Variants in EFCC1 observed in about 807,000 individuals in gnomAD.
The protein encoded by EFCC1 is EF-hand and coiled-coil domain-containing protein 1.
A neutral mutation model predicts 52.1 loss-of-function variants in EFCC1; 50 were observed. The observed-to-expected ratio is 0.96, with a 90% CI of 0.76 to 1.21. The LOEUF (loss-of-function observed/expected upper bound fraction) is 1.21. Among genes scored for constraint, EFCC1 ranks in the 50% most tolerant of loss-of-function variants. EFCC1 has a pLI of 0.00. For synonymous variants in EFCC1, 399 were observed against 396.5 expected (o/e 1.01, Z -0.08); for missense variants, 837 against 867.3 (o/e 0.97, Z 0.44).
Position 129,003,951 on chromosome 3 carries a change from C to T in EFCC1, c.854C>T (p.Ala285Val). Reference sequence around the variant, plus strand: ...GGCCAGGCCGAGGTGCGGCGGCGCGCGGAGGAGGCCCGGCAGGTGGTGCTG... The same window carrying T: ...GGCCAGGCCGAGGTGCGGCGGCGCGTGGAGGAGGCCCGGCAGGTGGTGCTG... Reference protein sequence around the residue: ...RRGQAEVRRRAEEARQVVLRS... With the variant: ...RRGQAEVRRRVEEARQVVLRS... The change falls in exon 2 of 8, where the codon GCG (alanine) becomes GTG (valine). Residue 285 changes from alanine to valine, a missense_variant. By Grantham distance (64) the Ala-to-Val change is moderately conservative (BLOSUM62 0). Transcript: ENST00000683648. The T allele has an allele frequency of 7.1e-7, 1 of 1,418,118 alleles. No individual in the cohort carries two copies. The highest frequency in any genetic ancestry group is 9.2e-7 in the Non-Finnish European group (1 of 1,090,680). 87.8% of individuals were successfully genotyped at this position (1,418,118 alleles called of 1,614,324 possible). A position where few individuals can be genotyped will look rare whatever the true frequency, so the allele number is the denominator to read the frequency against.
At chr3:129,021,757 A>G (rs1048843007) in intron 2 of EFCC1, among the ~76,000 whole-genome samples, 3 of 152,208 alleles carry the variant, frequency 2.0e-5, no homozygotes, top group Non-Finnish European at 4.4e-5. Context: ...ATTCAAATGT[A>G]TCCATCACAG....
In EFCC1 at chr3:129,014,850, G is replaced by A. The variant is rs1945501556; in HGVS notation, c.980+10773G>A. 6.6e-6 allele frequency among the ~76,000 whole-genome samples: 1 copy of A among 152,116 alleles called. No individual in the cohort carries two copies. Among genetic ancestry groups the A allele is most frequent in the South Asian group, 2.1e-4 (1 of 4,828 alleles). Reference sequence around the variant, plus strand: ...AGCCAGCCTGGATGCCGAGGGGCCAGTGAGGAGGGGCCAGTGAGGAGGAGC... The same window carrying A: ...AGCCAGCCTGGATGCCGAGGGGCCAATGAGGAGGGGCCAGTGAGGAGGAGC... On this transcript the variant is annotated intron_variant, in intron 2 of 7. Coordinates refer to ENST00000683648, the MANE Select transcript of EFCC1 (RefSeq NM_001377500.1). This position sits in a 1 kb window ranked among gnomAD's most constrained non-coding sequence, Gnocchi z 4.3.
Position 129,001,380 on chromosome 3 carries a change from C to A in EFCC1, c.-249C>A, listed in dbSNP as rs115284404. Among the ~76,000 whole-genome samples the A allele has an allele frequency of 9.4e-3, 1,432 of 152,350 alleles. 10 individuals carry two copies. The highest frequency in any genetic ancestry group is 0.033 in the African/African-American group (1,363 of 41,584). On this transcript the variant is annotated 5_prime_UTR_variant, in exon 1 of 8. Transcript: ENST00000683648. ...GGAGAAGCCAGACCCAGACGCCGAC[C>A]GGGCACTGGTGGCGCTGCCGGGGTC...
chr3:129,009,849 T>C (rs918926880), intron 2 of EFCC1, among the ~76,000 whole-genome samples: 2 of 152,200 alleles, frequency 1.3e-5, no homozygotes, highest in African/African-American at 4.8e-5. Context: ...CTGGGTGCTT[T>C]GGGAGTGGTT....
intron 2 of EFCC1, among the ~76,000 whole-genome samples, chr3:129,017,122 C>T (rs754785510): frequency 9.2e-5 from 14 of 152,226 alleles, no homozygotes; most frequent in Non-Finnish European, 2.1e-4. Flanking sequence ...GTCCTCCTGG[C>T]AGACTTCCCC....
chr3:129,008,614 T>C (rs948191159), intron 2 of EFCC1, among the ~76,000 whole-genome samples: 7 of 151,538 alleles, frequency 4.6e-5, no homozygotes, highest in African/African-American at 1.7e-4. Flanking sequence ...GCCACAATCC[T>C]TGGGACACAG....
intron 2 of EFCC1, among the ~76,000 whole-genome samples, chr3:129,023,355 C>T (rs1445959953): frequency 1.4e-5 from 2 of 145,592 alleles, no homozygotes; most frequent in Non-Finnish European, 3.0e-5. Flanking sequence ...CTTGCTCAGT[C>T]ACCCAGGCTA....
chr3:129,014,135 G>T lies in EFCC1; in HGVS notation c.980+10058G>T, dbSNP rs1247422704. ...GCTTTTCTTCATTCAACCAAATTCT[G>T]TCAAGTGCCTAGAGAGGGCCCATGC... On this transcript the variant is annotated intron_variant, in intron 2 of 7. Transcript: ENST00000683648. The surrounding 1 kb of genome is among the most constrained non-coding windows in gnomAD (Gnocchi z 4.3). Among the ~76,000 whole-genome samples, 3 of 152,226 alleles carry T rather than the reference G, an allele frequency of 2.0e-5. No individual in the cohort carries two copies. The highest frequency in any genetic ancestry group is 4.4e-5 in the Non-Finnish European group (3 of 68,046).
At chr3:129,015,733 C>G (rs1438706382) in intron 2 of EFCC1, among the ~76,000 whole-genome samples, 1 of 151,842 alleles carries the variant, frequency 6.6e-6, no homozygotes, top group Admixed American at 6.6e-5. Flanking sequence ...GGACTGTCCC[C>G]CCACCCCTTG....
rs551096358 is a variant in EFCC1, at chr3:129,040,272, G to A, written c.*424G>A. On this transcript the variant is annotated 3_prime_UTR_variant, in exon 8 of 8. Transcript: ENST00000683648. The surrounding 1 kb of genome is among the most constrained non-coding windows in gnomAD (Gnocchi z 4.4). ...CTCCCACTGGCATGCCTGCTGCAAC[G>A]GAGACTGGGCCCAACCTTTGGGATA... 34 of 171,996 alleles carry A rather than the reference G, an allele frequency of 2.0e-4. No individual in the cohort carries two copies. The highest frequency in any genetic ancestry group is 1.5e-4 in the Non-Finnish European group (12 of 81,970). 10.7% of individuals were successfully genotyped at this position (171,996 alleles called of 1,614,324 possible).
intron 2 of EFCC1, among the ~76,000 whole-genome samples, chr3:129,005,928 T>C (rs1046143608): frequency 1.3e-5 from 2 of 152,282 alleles, no homozygotes; most frequent in Non-Finnish European, 2.9e-5. Context: ...GGGGCTCTTC[T>C]TTGTTTATTT....
rs1945485671 is a variant in EFCC1, at chr3:129,014,569, T to C, written c.980+10492T>C. On this transcript the variant is annotated intron_variant, in intron 2 of 7. Transcript: ENST00000683648. This position sits in a 1 kb window ranked among gnomAD's most constrained non-coding sequence, Gnocchi z 4.3. ...ACCTCATTTTAACTTGATTACCTCA[T>C]TAAAGGTCCCATCGCCAAATAAGAT... Among the ~76,000 whole-genome samples the C allele has an allele frequency of 6.6e-6, 1 of 152,184 alleles. No individual in the cohort carries two copies. Among genetic ancestry groups the C allele is most frequent in the South Asian group, 2.1e-4 (1 of 4,826 alleles).
At chr3:129,039,334 A>G (rs1207727191) in intron 7 of EFCC1, among the ~76,000 whole-genome samples, 1 of 152,222 alleles carries the variant, frequency 6.6e-6, no homozygotes, top group African/African-American at 2.4e-5. Context: ...GACGAAGCTC[A>G]GGGAGCAGAA....
chr3:129,036,109 G>A (rs1345157054), intron 5 of EFCC1, among the ~76,000 whole-genome samples: 1 of 152,252 alleles, frequency 6.6e-6, no homozygotes, highest in Non-Finnish European at 1.5e-5. Context: ...GCTGGGGAGG[G>A]TGGAGTGTTG....
chr3:129,002,501 A>C (rs1944839865), intron 1 of EFCC1, 177 bp downstream of exon 1: 3 of 1,251,252 alleles, frequency 2.4e-6, no homozygotes, highest in Non-Finnish European at 1.0e-6. Context: ...TCCCCATTCC[A>C]CTCCAGTCCC....
chr3:129,028,148 G>C (rs1440723401), intron 2 of EFCC1, among the ~76,000 whole-genome samples: 1 of 150,010 alleles, frequency 6.7e-6, no homozygotes, highest in Admixed American at 6.7e-5. Flanking sequence ...ACAGTGGTGC[G>C]ATCTAGGTTA....
chr3:129,036,730 G>A (rs986845920), intron 5 of EFCC1, among the ~76,000 whole-genome samples: 17 of 152,230 alleles, frequency 1.1e-4, no homozygotes, highest in Non-Finnish European at 1.6e-4. Context: ...GGCTTCTGCA[G>A]CTTCCCACTA....
chr3:129,019,715 A>G (rs747155475), intron 2 of EFCC1, among the ~76,000 whole-genome samples: 7 of 152,062 alleles, frequency 4.6e-5, no homozygotes, highest in Non-Finnish European at 8.8e-5. Context: ...TGTAGCTAGC[A>G]TAACTGAGGA....
At chr3:129,006,640 A>T (rs1177737382) in intron 2 of EFCC1, among the ~76,000 whole-genome samples, 2 of 152,164 alleles carry the variant, frequency 1.3e-5, no homozygotes, top group East Asian at 3.8e-4. Context: ...GTTAGTAAGG[A>T]AGAAGTAGGA....
Sources: allele counts gnomAD v4.1 joint callset (sites outside exome capture counted in the v4.1 genomes callset), GRCh38; gene constraint gnomAD v4.1.1; non-coding constraint Gnocchi (gnomAD v3.1); transcripts MANE v1.5; gene names NCBI Gene and HGNC (gene_info 2026-07-23, HGNC 2026-07-21).